Variants in CSMD1 observed in about 807,000 individuals in gnomAD.
CSMD1 encodes the protein CUB and sushi domain-containing protein 1.
In CSMD1, 213 loss-of-function variants were observed where a neutral mutation model predicts 417.5. The ratio of observed to expected loss-of-function variants is 0.51; its 90% CI spans 0.46 to 0.57. CSMD1 has a LOEUF of 0.57. Ranked by LOEUF, CSMD1 falls within the 20% of genes least tolerant of loss-of-function variation. The pLI is 0.00. For synonymous variants in CSMD1, 2,862 were observed against 1,736.8 expected, an observed-to-expected ratio of 1.65 and a Z score of -16.11; for missense variants, 6,923 against 4,529.7, an observed-to-expected ratio of 1.53 and a Z score of -15.17.
chr8:4,382,987 C>T (rs1024987989), intron 3 of CSMD1, among the ~76,000 whole-genome samples: 1 of 152,172 alleles, frequency 6.6e-6, no homozygotes, highest in African/African-American at 2.4e-5. Context: ...AGAGGTCGCA[C>T]CATCGTCTGT....
chr8:3,733,508 TC>T (rs902307436), intron 6 of CSMD1, among the ~76,000 whole-genome samples: 5 of 152,098 alleles, frequency 3.3e-5, no homozygotes, highest in African/African-American at 9.7e-5. Flanking sequence ...TCAACCGCGT[TC>T]TGAAAATATT....
intron 52 of CSMD1, among the ~76,000 whole-genome samples, chr8:3,014,730 T>A (rs893162776): frequency 6.6e-6 from 1 of 152,124 alleles, no homozygotes; most frequent in Non-Finnish European, 1.5e-5. Flanking sequence ...CTGGGCAATT[T>A]AGGAAGACCC....
intron 3 of CSMD1, among the ~76,000 whole-genome samples, chr8:4,368,181 T>C (rs1802196765): frequency 6.6e-6 from 1 of 152,188 alleles, no homozygotes; most frequent in South Asian, 2.1e-4. Flanking sequence ...ATGCCTAATT[T>C]GTTGAGGGTT....
intron 1 of CSMD1, among the ~76,000 whole-genome samples, chr8:4,712,710 T>TTC (rs146362818): frequency 8.7e-4 from 133 of 152,326 alleles, no homozygotes; most frequent in South Asian, 2.3e-3. Flanking sequence ...GTGTGTTTTT[T>TTC]TCTCTCTCTC....
intron 10 of CSMD1, among the ~76,000 whole-genome samples, chr8:3,512,850 C>A (rs1797134160): frequency 6.6e-6 from 1 of 152,012 alleles, no homozygotes. Flanking sequence ...CCCACCTCGG[C>A]CTCCCAAAAT....
chr8:4,740,479 G>C (rs530363015), intron 1 of CSMD1, among the ~76,000 whole-genome samples: 4 of 152,258 alleles, frequency 2.6e-5, no homozygotes, highest in African/African-American at 7.2e-5. Flanking sequence ...GATGTGTTTA[G>C]AGGAAAGTGC....
At chr8:3,322,011 A>G (rs973825505) in intron 23 of CSMD1, among the ~76,000 whole-genome samples, 1 of 152,244 alleles carries the variant, frequency 6.6e-6, no homozygotes, top group African/African-American at 2.4e-5. Context: ...AGCTTTCATT[A>G]CATATCAGTG....
At chr8:3,887,950 C>T (rs750483822) in intron 5 of CSMD1, among the ~76,000 whole-genome samples, 16 of 152,098 alleles carry the variant, frequency 1.1e-4, no homozygotes, top group Non-Finnish European at 1.8e-4. Context: ...AATAGCAATA[C>T]TTAAGAAAAC....
chr8:3,053,145 G>C (rs1327575926), intron 49 of CSMD1, among the ~76,000 whole-genome samples: 1 of 152,136 alleles, frequency 6.6e-6, no homozygotes, highest in Non-Finnish European at 1.5e-5. Flanking sequence ...TATATTAAAG[G>C]TTAAATGAGG....
chr8:4,269,876 T>G (rs528567359), intron 3 of CSMD1, among the ~76,000 whole-genome samples: 2 of 152,282 alleles, frequency 1.3e-5, no homozygotes, highest in African/African-American at 4.8e-5. Context: ...ATTGCATCAT[T>G]ACTGGAGTTT....
At chr8:3,316,928 A>G (rs1805810335) in intron 23 of CSMD1, among the ~76,000 whole-genome samples, 1 of 152,198 alleles carries the variant, frequency 6.6e-6, no homozygotes, top group Admixed American at 6.5e-5. Flanking sequence ...AAAATCTGCA[A>G]AAGTATTTAT....
At chr8:4,410,252 G>C (rs1004307478) in intron 3 of CSMD1, among the ~76,000 whole-genome samples, 3 of 152,172 alleles carry the variant, frequency 2.0e-5, no homozygotes, top group Admixed American at 6.5e-5. Context: ...AACTCTCTAA[G>C]GTAGGTACCA....
chr8:3,398,270 C>G (rs997747508), intron 16 of CSMD1, among the ~76,000 whole-genome samples: 3 of 152,180 alleles, frequency 2.0e-5, no homozygotes, highest in African/African-American at 7.2e-5. Flanking sequence ...ACGTAATCAA[C>G]TGAATACTTA....
intron 1 of CSMD1, among the ~76,000 whole-genome samples, chr8:4,951,757 A>G (rs1466773358): frequency 1.3e-5 from 2 of 151,668 alleles, no homozygotes; most frequent in Admixed American, 6.6e-5. Flanking sequence ...TTCTCCACCC[A>G]CACCCCCTAC....
intron 1 of CSMD1, among the ~76,000 whole-genome samples, chr8:4,735,260 C>T (rs1810156060): frequency 6.6e-6 from 1 of 152,066 alleles, no homozygotes; most frequent in Non-Finnish European, 1.5e-5. Flanking sequence ...CTGAAAAAGC[C>T]TAAGGTCTTC....
chr8:4,151,562 A>G (rs1192088769), intron 3 of CSMD1, among the ~76,000 whole-genome samples: 1 of 152,200 alleles, frequency 6.6e-6, no homozygotes, highest in Non-Finnish European at 1.5e-5. Context: ...TTAAATTAAC[A>G]TGGGGAATTA....
At chr8:4,708,372 ATT>A (rs1474681328) in intron 1 of CSMD1, among the ~76,000 whole-genome samples, 2 of 152,218 alleles carry the variant, frequency 1.3e-5, no homozygotes, top group Non-Finnish European at 2.9e-5. Flanking sequence ...TGTCTTGTTC[ATT>A]ATTCTGTTCA....
intron 26 of CSMD1, among the ~76,000 whole-genome samples, chr8:3,243,835 G>A (rs1315416536): frequency 1.3e-5 from 2 of 151,570 alleles, no homozygotes; most frequent in Admixed American, 6.6e-5. Context: ...ATATGTATAT[G>A]CAAAGTTTTG....
intron 8 of CSMD1, among the ~76,000 whole-genome samples, chr8:3,599,720 G>C (rs140087932): frequency 8.5e-5 from 13 of 152,214 alleles, no homozygotes; most frequent in Middle Eastern, 3.4e-3. Flanking sequence ...GCCCAGATTG[G>C]CGCCAACCTA....
Sources: gnomAD v4.1 joint callset for allele counts (sites outside exome capture counted in the v4.1 genomes callset) on GRCh38, gnomAD v4.1.1 for gene constraint, MANE v1.5 for transcripts, NCBI Gene and HGNC (gene_info 2026-07-23, HGNC 2026-07-21) for gene names.